Variants in SEMA4F observed in about 807,000 individuals in gnomAD.
The protein encoded by SEMA4F is ssemaphorin 4F.
Under a neutral mutation model 78.4 loss-of-function variants are expected in SEMA4F, and 51 were observed. That is an observed-to-expected ratio of 0.65 (90% CI 0.52 to 0.82). SEMA4F has a LOEUF of 0.82. Ranked by LOEUF, SEMA4F falls within the 40% of genes least tolerant of loss-of-function variation. SEMA4F has a pLI of 0.00. For synonymous variants in SEMA4F, 418 were observed against 408.7 expected (o/e 1.02, Z -0.27); for missense variants, 938 against 1,014.4 (o/e 0.92, Z 1.02).
chr2:74,664,916 C>T (rs1329539149), intron 5 of SEMA4F, among the ~76,000 whole-genome samples: 1 of 151,954 alleles, frequency 6.6e-6, no homozygotes, highest in Admixed American at 6.6e-5. Flanking sequence ...AAATTTTTTC[C>T]AAACATATAA....
chr2:74,674,692 G>A lies in SEMA4F; in HGVS notation c.1001+16G>A. 1 of 1,612,304 alleles carries A rather than the reference G, an allele frequency of 6.2e-7. No individual in the cohort carries two copies. Among genetic ancestry groups the A allele is most frequent in the African/African-American group, 1.3e-5 (1 of 74,924 alleles). ...CTTCCCAGTGGTGAGGGGTCTTGGT[G>A]TGGAGGAGAGTTACAGGGTGGGAGA... On this transcript the variant is annotated intron_variant, in intron 8 of 13. Transcript: ENST00000357877.
At position 74,680,173 on chromosome 2, in the gene SEMA4F, G is replaced by A; in HGVS notation, c.2277G>A (p.Gly759=). ...CPSPAHIRLT[G]APLATCDETS... is the part of the protein sequence containing the mutation. ...GCCCAGCCCACATTCGGCTAACTGG[G>A]GCTCCTCTAGCCACATGTGATGAAA... The change falls in exon 14 of 14, where the codon GGG becomes GGA. Residue 759 remains glycine, a synonymous_variant. Coordinates refer to ENST00000357877, the MANE Select transcript of SEMA4F (RefSeq NM_004263.5). 6.3e-7 allele frequency: 1 copy of A among 1,595,260 alleles called. No homozygotes were observed. The highest frequency in any genetic ancestry group is 8.6e-7 in the Non-Finnish European group (1 of 1,166,868).
chr2:74,693,365 ATTC>A, the SEMA4F span, among the ~76,000 whole-genome samples: 2 of 152,222 alleles, frequency 1.3e-5, no homozygotes, highest in African/African-American at 4.8e-5. Context: ...GACAGAACTC[ATTC>A]TTGACTTGAA....
chr2:74,679,717 C>T lies in SEMA4F; in HGVS notation c.1821C>T (p.Leu607=), dbSNP rs760823237. The change falls in exon 14 of 14, where the codon CTC becomes CTT. Residue 607 remains leucine (L), a synonymous_variant. Transcript: ENST00000357877. ...VWHQPSGVTA[L]TPRRDGLEVV... is the part of the protein sequence containing the mutation. ...ACCAGCCCAGTGGAGTGACTGCACT[C>T]ACCCCCCGGCGGGATGGACTGGAGG... The T allele has an allele frequency of 5.0e-6, 8 of 1,614,014 alleles. No homozygotes were observed. The African/African-American group carries it at 8.0e-5, about 16-fold the overall frequency.
intron 5 of SEMA4F, among the ~76,000 whole-genome samples, chr2:74,671,964 C>T (rs1685012480): frequency 6.6e-6 from 1 of 152,220 alleles, no homozygotes; most frequent in African/African-American, 2.4e-5. Flanking sequence ...ATTTCCTCTG[C>T]CTCTGCCTTA....
intron 5 of SEMA4F, among the ~76,000 whole-genome samples, chr2:74,670,762 C>T (rs1684942614): frequency 6.6e-6 from 1 of 152,178 alleles, no homozygotes; most frequent in Admixed American, 6.5e-5. Context: ...TCAACTTTTC[C>T]CCCCTTGGAA....
chr2:74,665,993 C>G (rs184474704), intron 5 of SEMA4F, among the ~76,000 whole-genome samples: 1 of 151,572 alleles, frequency 6.6e-6, no homozygotes, highest in Non-Finnish European at 1.5e-5. Context: ...CTGCAACCTT[C>G]GTCTCACAGG....
chr2:74,701,869 C>G, the SEMA4F span, among the ~76,000 whole-genome samples: 2 of 152,180 alleles, frequency 1.3e-5, no homozygotes, highest in Non-Finnish European at 2.9e-5. Context: ...TTACAAGGGT[C>G]TTGGGCAGCC....
chr2:74,656,560 G>A lies in SEMA4F; in HGVS notation c.172G>A (p.Ala58Thr), dbSNP rs746352642. The A allele has an allele frequency of 6.8e-6, 11 of 1,613,678 alleles. No homozygotes were observed. Among genetic ancestry groups the A allele is most frequent in the East Asian group, 2.2e-5 (1 of 44,878 alleles). ...SEADSCLTRF[A>T]VPHTYNYSVL... ...GGCTGACTCCTGTCTCACCCGGTTC[G>A]CAGTCCCTCACACATACAATTACTC... The change falls in exon 2 of 14, where the codon GCA becomes ACA. Residue 58 changes from alanine (A) to threonine (T), a missense_variant. Ala to Thr is a moderately conservative substitution (Grantham distance 58). Transcript: ENST00000357877.
intron 2 of SEMA4F, 66 bp downstream of exon 2, chr2:74,656,751 G>C (rs1359408824): frequency 6.5e-7 from 1 of 1,538,150 alleles, no homozygotes; most frequent in Non-Finnish European, 8.9e-7. Context: ...GATTTTATGA[G>C]TGTGTGTGGG....
Position 74,679,748 on chromosome 2 carries a change from G to A in SEMA4F, c.1852G>A (p.Val618Met), listed in dbSNP as rs1400811555. The A allele has an allele frequency of 6.2e-7, 1 of 1,614,206 alleles. No homozygotes were observed. Among genetic ancestry groups the A allele is most frequent in the Admixed American group, 1.7e-5 (1 of 60,026 alleles). The change falls in exon 14 of 14, where the codon GTG becomes ATG. Residue 618 changes from valine (V) to methionine (M), a missense_variant. Val to Met is a conservative substitution (Grantham distance 21, BLOSUM62 1). Transcript: ENST00000357877. ...CCGGCGGGATGGACTGGAGGTGGTGGTGACCCCAGGGGCCATGGGCGCTTA... is the reference window on the plus strand; with the variant it reads ...CCGGCGGGATGGACTGGAGGTGGTGATGACCCCAGGGGCCATGGGCGCTTA... ...TPRRDGLEVV[V>M]TPGAMGAYAC...
At chr2:74,684,231 A>C (rs1368833459), downstream of SEMA4F, among the ~76,000 whole-genome samples, 1 of 152,162 alleles carries the variant, frequency 6.6e-6, no homozygotes, top group Non-Finnish European at 1.5e-5. Context: ...CCAGTCAACA[A>C]AATAAGCTGT....
chr2:74,673,441 C>G lies in SEMA4F; in HGVS notation c.551-16C>G. ...GTGGGTCCCTGATAGCCCATCTCCT[C>G]CCTGTCGCCCTGCAGGGGGGGTCCT... is the stretch of plus-strand genomic sequence containing the variant. On this transcript the variant is annotated splice_polypyrimidine_tract_variant and intron_variant, in intron 5 of 13. Coordinates refer to ENST00000357877, the MANE Select transcript of SEMA4F (RefSeq NM_004263.5). The G allele has an allele frequency of 6.2e-7, 1 of 1,613,684 alleles. No individual in the cohort carries two copies.
At chr2:74,662,940 T>C (rs1684501899) in intron 5 of SEMA4F, 115 bp downstream of exon 5, 2 of 947,380 alleles carry the variant, frequency 2.1e-6, no homozygotes, top group Non-Finnish European at 3.4e-6. Context: ...TTCTCATGTC[T>C]CTTTTTAGCC....
chr2:74,654,965 C>G (rs1395772470), intron 1 of SEMA4F, among the ~76,000 whole-genome samples: 2 of 152,226 alleles, frequency 1.3e-5, no homozygotes, highest in African/African-American at 4.8e-5. Context: ...ACTCTGCTTT[C>G]AGACCCATCA....
rs1282714299 is a variant in SEMA4F, at chr2:74,679,934, A to C, written c.2038A>C (p.Ile680Leu). The change falls in exon 14 of 14, where the codon ATT (isoleucine) becomes CTT (leucine). Residue 680 changes from isoleucine to leucine, a missense_variant. Coordinates refer to ENST00000357877, the MANE Select transcript of SEMA4F (RefSeq NM_004263.5). ...CGCAGCATCCCTGACTCTCATTCTG[A>C]TTGGTCGGCGTCAGCAGCGACGGCG... ...ILAASLTLIL[I>L]GRRQQRRRQR... The C allele has an allele frequency of 6.2e-7, 1 of 1,614,012 alleles. No homozygotes were observed. Among genetic ancestry groups the C allele is most frequent in the African/African-American group, 1.3e-5 (1 of 74,894 alleles).
intron 5 of SEMA4F, among the ~76,000 whole-genome samples, chr2:74,670,210 T>G (rs1374441083): frequency 6.6e-6 from 1 of 152,226 alleles, no homozygotes; most frequent in African/African-American, 2.4e-5. Flanking sequence ...GAGAGTGTCC[T>G]GAAGAGTCCA....
intron 5 of SEMA4F, among the ~76,000 whole-genome samples, chr2:74,664,156 T>C (rs1684570378): frequency 6.6e-6 from 1 of 152,174 alleles, no homozygotes; most frequent in East Asian, 1.9e-4. Context: ...GAAAAGCCAT[T>C]TTCTTGTGGT....
At chr2:74,690,518 A>G in the SEMA4F span, among the ~76,000 whole-genome samples, 2 of 152,160 alleles carry the variant, frequency 1.3e-5, no homozygotes, top group Non-Finnish European at 2.9e-5. Flanking sequence ...TTTGATAATG[A>G]TGTTATTAGA....
Sources: allele counts gnomAD v4.1 joint callset (sites outside exome capture counted in the v4.1 genomes callset), GRCh38; gene constraint gnomAD v4.1.1; transcripts MANE v1.5; gene names NCBI Gene and HGNC (gene_info 2026-07-23, HGNC 2026-07-21).